Variants in BCOR observed in about 807,000 individuals in gnomAD.
BCOR encodes BCL6 corepressor.
BCOR carries 10 observed loss-of-function variants against 86.7 expected under a neutral mutation model. The ratio of observed to expected loss-of-function variants is 0.12; its 90% CI spans 0.07 to 0.20. The LOEUF (loss-of-function observed/expected upper bound fraction) is 0.20. Ranked by LOEUF, BCOR falls within the 10% of genes least tolerant of loss-of-function variation. The pLI is 1.00. For synonymous variants in BCOR, 611 were observed against 609.0 expected, an observed-to-expected ratio of 1.00 and a Z score of -0.05; for missense variants, 1,259 against 1,452.1, an observed-to-expected ratio of 0.87 and a Z score of 2.16.
chrX:40,075,813 C>T (rs1935781498), intron 3 of BCOR, among the ~76,000 whole-genome samples: 1 of 111,618 alleles, frequency 9.0e-6, no homozygotes, highest in Admixed American at 9.4e-5. Flanking sequence ...TTTTTACCTT[C>T]TCAGCAAAAA....
chrX:40,139,505 T>G (rs865846054), intron 1 of BCOR, among the ~76,000 whole-genome samples: 8 of 51,378 alleles, frequency 1.6e-4, no homozygotes, highest in African/African-American at 4.7e-4. Context: ...ATATTTTTTT[T>G]TTTTTTTAAG....
In BCOR at chrX:40,075,325, G is replaced by T. The variant is rs1304751895; in HGVS notation, c.166-145C>A. ...GACAGGCTTCCGGCGGGGCGGGGGT[G>T]GGGGGTCTGTTTCCCCACCCCCTTA... On this transcript the variant is annotated intron_variant, in intron 3 of 14. Coordinates refer to ENST00000378444, the MANE Select transcript of BCOR (RefSeq NM_001123385.2). 1.3e-5 allele frequency: 6 copies of T among 456,179 alleles called. No homozygotes were observed. In the East Asian group the frequency reaches 2.6e-4, roughly 20 times the overall value. 37.6% of individuals were successfully genotyped at this position (456,179 alleles called of 1,213,427 possible). A position where few individuals can be genotyped will look rare whatever the true frequency, so the allele number is the denominator to read the frequency against.
chrX:40,117,643 T>C (rs1937415796), intron 1 of BCOR, among the ~76,000 whole-genome samples: 1 of 111,560 alleles, frequency 9.0e-6, no homozygotes, highest in Non-Finnish European at 1.9e-5. Flanking sequence ...TTCAGCTATT[T>C]TGGTGGCAAC....
intron 1 of BCOR, among the ~76,000 whole-genome samples, chrX:40,172,422 G>A (rs1938645722): frequency 8.8e-6 from 1 of 113,177 alleles, no homozygotes; most frequent in East Asian, 2.8e-4. Flanking sequence ...AAAGAGGGCA[G>A]CGCGGTCTCC....
At chrX:40,118,407 C>T (rs1020114778) in intron 1 of BCOR, among the ~76,000 whole-genome samples, 3 of 110,245 alleles carry the variant, frequency 2.7e-5, no homozygotes, top group Non-Finnish European at 5.7e-5. Context: ...GGATTACAGG[C>T]GCCCACCGCC....
intron 6 of BCOR, among the ~76,000 whole-genome samples, chrX:40,068,940 G>A (rs759392427): frequency 8.8e-6 from 1 of 113,263 alleles, no homozygotes; most frequent in South Asian, 3.6e-4. Context: ...TACTGGTGCT[G>A]TAGGAGTGGA....
chrX:40,120,363 T>C (rs1478607389), intron 1 of BCOR, among the ~76,000 whole-genome samples: 1 of 111,434 alleles, frequency 9.0e-6, no homozygotes, highest in African/African-American at 3.3e-5. Flanking sequence ...TTCTCCCTGG[T>C]CCCCACCAAC....
At chrX:40,127,604 C>T (rs948431692) in intron 1 of BCOR, among the ~76,000 whole-genome samples, 1 of 111,215 alleles carries the variant, frequency 9.0e-6, no homozygotes, top group African/African-American at 3.3e-5. Context: ...TAGGCAGTGG[C>T]TCACACCTGT....
chrX:40,072,089 T>C (rs938380871), intron 4 of BCOR: 2 of 428,675 alleles, frequency 4.7e-6, no homozygotes, highest in Non-Finnish European at 8.1e-6. Context: ...TTAGATACCC[T>C]TCACAATAAT....
At position 40,077,697 on chromosome X, in the gene BCOR, T is replaced by C. The variant is rs1935875678; in HGVS notation, c.86+147A>G. ...ATGCTTCACTGAGCCAGGTTGCCTG[T>C]TAAAACTGTAAATCAAGAGCGGCCT... On this transcript the variant is annotated intron_variant, in intron 2 of 14. Coordinates refer to ENST00000378444, the MANE Select transcript of BCOR (RefSeq NM_001123385.2). 10 of 518,651 alleles carry C rather than the reference T, an allele frequency of 1.9e-5. No individual in the cohort carries two copies. In the East Asian group the frequency reaches 3.7e-4, roughly 19 times the overall value. The allele number at this position is 518,651 out of a possible 1,213,427, so 42.7% of individuals were successfully genotyped here.
intron 1 of BCOR, among the ~76,000 whole-genome samples, chrX:40,137,754 G>A (rs1013148496): frequency 9.0e-6 from 1 of 110,775 alleles, no homozygotes; most frequent in African/African-American, 3.3e-5. Context: ...TTCTGGGGTT[G>A]CACCTACTTG....
At position 40,097,287 on chromosome X, in the gene BCOR, C is replaced by G. The variant is rs1936934111; in HGVS notation, c.-113G>C. The stretch of plus-strand genomic sequence containing the variant: ...TTTGAAGTTTTCCCCCAAGCGGACT[C>G]GAGGCGGCGAGAAGGAGCGGGGGGC... On this transcript the variant is annotated 5_prime_UTR_variant, in exon 1 of 15. Coordinates refer to ENST00000378444, the MANE Select transcript of BCOR (RefSeq NM_001123385.2). 1 of 78,267 alleles carries G rather than the reference C, an allele frequency of 1.3e-5. No homozygotes were observed. The highest frequency in any genetic ancestry group is 5.1e-5 in the African/African-American group (1 of 19,616). The allele number at this position is 78,267 out of a possible 1,213,427, so 6.5% of individuals were successfully genotyped here.
chrX:40,165,769 T>TTATCTATCTATC (rs35175801), intron 1 of BCOR, among the ~76,000 whole-genome samples: 14 of 111,378 alleles, frequency 1.3e-4, no homozygotes, highest in African/African-American at 4.6e-4. Context: ...GGGCATGAGA[T>TTATCTATCTATC]TATCTATCTA....
chrX:40,056,218 T>C (rs1934585916), intron 11 of BCOR, among the ~76,000 whole-genome samples: 1 of 103,319 alleles, frequency 9.7e-6, no homozygotes, highest in South Asian at 4.5e-4. Flanking sequence ...TGAAGGTAAC[T>C]TACAGGGGAT....
At chrX:40,133,381 C>G (rs919788815) in intron 1 of BCOR, among the ~76,000 whole-genome samples, 1 of 111,021 alleles carries the variant, frequency 9.0e-6, no homozygotes, top group Admixed American at 9.5e-5. Context: ...CGTGATCCAC[C>G]CTCCTCGGCC....
intron 1 of BCOR, among the ~76,000 whole-genome samples, chrX:40,118,326 G>A (rs996265235): frequency 1.4e-4 from 15 of 110,430 alleles, no homozygotes; most frequent in Non-Finnish European, 2.1e-4. Flanking sequence ...GCAGTGGCGC[G>A]ATCTCAGCTC....
At position 40,055,530 on chromosome X, in the gene BCOR, A is replaced by G; in HGVS notation, c.4596-17T>C. On this transcript the variant is annotated splice_polypyrimidine_tract_variant and intron_variant, in intron 11 of 14. Coordinates refer to ENST00000378444, the MANE Select transcript of BCOR (RefSeq NM_001123385.2). ...TGCAGAGGCCTAGGAAGAGAGGCGC[A>G]ATAGAATTATGCTCATGCAAGCCAC... The G allele has an allele frequency of 8.3e-7, 1 of 1,210,724 alleles. No individual in the cohort carries two copies.
chrX:40,066,566 G>C (rs1935211264), intron 6 of BCOR, among the ~76,000 whole-genome samples: 2 of 111,272 alleles, frequency 1.8e-5, no homozygotes, highest in Admixed American at 9.5e-5. Context: ...TTGATTTTTA[G>C]CCCTGATATT....
upstream of BCOR, among the ~76,000 whole-genome samples, chrX:40,101,127 G>T (rs1450585485): frequency 9.0e-6 from 1 of 110,668 alleles, no homozygotes; most frequent in Admixed American, 9.6e-5. Context: ...AGTTCCAATT[G>T]TTCTGGGGAA....
Sources: allele counts gnomAD v4.1 joint callset (sites outside exome capture counted in the v4.1 genomes callset), GRCh38; gene constraint gnomAD v4.1.1; transcripts MANE v1.5; gene names NCBI Gene and HGNC (gene_info 2026-07-23, HGNC 2026-07-21).